SIPA1L3: variants seen among roughly 807,000 people sequenced by gnomAD.
SIPA1L3 encodes signal induced proliferation associated 1 like 3, also known as signal-induced proliferation-associated 1-like protein 3.
Under a neutral mutation model 150.1 loss-of-function variants are expected in SIPA1L3, and 59 were observed. The ratio of observed to expected loss-of-function variants is 0.39; its 90% CI spans 0.32 to 0.49. SIPA1L3 has a LOEUF of 0.49. Among genes scored for constraint, SIPA1L3 ranks in the 20% least tolerant of loss-of-function variants. The pLI is 0.86. For missense variants in SIPA1L3, 2,211 were observed against 2,489.5 expected, an observed-to-expected ratio of 0.89 and a Z score of 2.38; for synonymous variants, 1,070 against 1,077.6, an observed-to-expected ratio of 0.99 and a Z score of 0.14.
intron 1 of SIPA1L3, among the ~76,000 whole-genome samples, chr19:37,928,673 T>C (rs1212016777): frequency 6.6e-6 from 1 of 152,208 alleles, no homozygotes; most frequent in Admixed American, 6.5e-5. Flanking sequence ...AAGTTCCTGA[T>C]TCTGTAAGTC....
At chr19:38,179,588 A>C (rs997032728) in intron 15 of SIPA1L3, among the ~76,000 whole-genome samples, 1 of 152,212 alleles carries the variant, frequency 6.6e-6, no homozygotes, top group Non-Finnish European at 1.5e-5. Context: ...ACTTTTCTCC[A>C]ATATTGTCCT....
At chr19:38,088,631 G>T in intron 3 of SIPA1L3, 90 bp from the exon 4 acceptor site, 1 of 1,493,866 alleles carries the variant, frequency 6.7e-7, no homozygotes. Context: ...ACAGGACCCT[G>T]CCTGGTCGCC....
intron 1 of SIPA1L3, among the ~76,000 whole-genome samples, chr19:38,013,152 A>G (rs546088056): frequency 3.9e-5 from 6 of 152,304 alleles, no homozygotes; most frequent in African/African-American, 1.2e-4. Context: ...TGGCGCTGCT[A>G]GCAGGTGCTG....
intron 10 of SIPA1L3, among the ~76,000 whole-genome samples, chr19:38,139,658 G>C (rs1354300671): frequency 6.6e-6 from 1 of 152,202 alleles, no homozygotes; most frequent in East Asian, 1.9e-4. Context: ...CGGGCCCTGG[G>C]TGCCAGAGCG....
intron 1 of SIPA1L3, among the ~76,000 whole-genome samples, chr19:37,948,497 G>A (rs60756457): frequency 2.4e-4 from 36 of 152,118 alleles, no homozygotes; most frequent in African/African-American, 8.7e-4. Context: ...AAGAAGAGTG[G>A]TTGGCACATA....
chr19:37,978,478 C>T (rs1283531177), intron 1 of SIPA1L3, among the ~76,000 whole-genome samples: 1 of 152,164 alleles, frequency 6.6e-6, no homozygotes, highest in East Asian at 1.9e-4. Context: ...AGTATATGAT[C>T]CCCATTGTGC....
chr19:37,950,567 C>T (rs1046343643), intron 1 of SIPA1L3, among the ~76,000 whole-genome samples: 2 of 152,248 alleles, frequency 1.3e-5, no homozygotes, highest in Non-Finnish European at 2.9e-5. Flanking sequence ...AAGTTCCCTG[C>T]TCAGTGCAGC....
At chr19:38,085,055 G>A (rs1030733331) in intron 3 of SIPA1L3, among the ~76,000 whole-genome samples, 21 of 152,292 alleles carry the variant, frequency 1.4e-4, no homozygotes, top group Admixed American at 1.4e-3. Context: ...ACAGCCCTCG[G>A]TTTGGGGTAT....
intron 1 of SIPA1L3, among the ~76,000 whole-genome samples, chr19:37,980,247 T>C (rs562186452): frequency 6.6e-6 from 1 of 152,342 alleles, no homozygotes; most frequent in Non-Finnish European, 1.5e-5. Context: ...CTTCTCCCCT[T>C]ACGTAATGAT....
chr19:38,151,791 ATCTC>A (rs1159257856), intron 12 of SIPA1L3, among the ~76,000 whole-genome samples: 1 of 151,900 alleles, frequency 6.6e-6, no homozygotes, highest in Non-Finnish European at 1.5e-5. Flanking sequence ...GGTGAAACCC[ATCTC>A]TACAAAAAAA....
At chr19:38,086,654 GC>G (rs1970139147) in intron 3 of SIPA1L3, among the ~76,000 whole-genome samples, 1 of 152,192 alleles carries the variant, frequency 6.6e-6, no homozygotes, top group African/African-American at 2.4e-5. Flanking sequence ...CTGCACTCCA[GC>G]CTGAGTGACA....
At chr19:38,099,392 C>T (rs1245508976) in intron 4 of SIPA1L3, among the ~76,000 whole-genome samples, 1 of 150,738 alleles carries the variant, frequency 6.6e-6, no homozygotes, top group African/African-American at 2.5e-5. Flanking sequence ...AGTTCAAGAT[C>T]CAAGATGATG....
intron 1 of SIPA1L3, among the ~76,000 whole-genome samples, chr19:37,915,114 G>A (rs1568462216): frequency 1.3e-5 from 2 of 152,156 alleles, no homozygotes; most frequent in African/African-American, 2.4e-5. Flanking sequence ...CCTAATTGAT[G>A]TGGCAGCAGG....
chr19:37,953,128 G>A (rs891158800), intron 1 of SIPA1L3, among the ~76,000 whole-genome samples: 3 of 152,232 alleles, frequency 2.0e-5, no homozygotes, highest in African/African-American at 7.2e-5. Flanking sequence ...GGAGGCTGAG[G>A]CAGGAGAATG....
intron 3 of SIPA1L3, among the ~76,000 whole-genome samples, chr19:38,086,398 C>T (rs1022944559): frequency 6.6e-6 from 1 of 151,946 alleles, no homozygotes; most frequent in African/African-American, 2.4e-5. Context: ...AAGAAAAAAA[C>T]GTTCTGGCCA....
intron 2 of SIPA1L3, among the ~76,000 whole-genome samples, chr19:38,051,877 G>T (rs1169720264): frequency 6.6e-6 from 1 of 152,162 alleles, no homozygotes; most frequent in East Asian, 1.9e-4. Context: ...GATCGCAGGC[G>T]TGAGCCACCA....
At position 38,182,620 on chromosome 19, in the gene SIPA1L3, T is replaced by C; in HGVS notation, c.4310T>C (p.Leu1437Pro). The change falls in exon 16 of 22, where the codon CTC becomes CCC. Residue 1437 changes from leucine to proline, a missense_variant. Physicochemically the swap from Leu to Pro is moderately conservative, Grantham distance 98. This residue lies in a region of SIPA1L3 where 806 missense variants were observed against 870.1 expected (regional missense o/e 0.93). Coordinates refer to ENST00000222345, the MANE Select transcript of SIPA1L3 (RefSeq NM_015073.3). Reference protein sequence around the residue: ...SQLAQPSPFQLSASVPKSFFS... With the variant: ...SQLAQPSPFQPSASVPKSFFS... ...CTGGCCCAGCCCAGCCCCTTTCAGC[T>C]CTCCGCCTCCGTCCCCAAGTCCTTC... 1 of 1,614,022 alleles carries C rather than the reference T, an allele frequency of 6.2e-7. No homozygotes were observed. Among genetic ancestry groups the C allele is most frequent in the Non-Finnish European group, 8.5e-7 (1 of 1,179,964 alleles).
At chr19:38,194,394 C>A (rs769023422) in intron 18 of SIPA1L3, among the ~76,000 whole-genome samples, 1 of 149,818 alleles carries the variant, frequency 6.7e-6, no homozygotes, top group Non-Finnish European at 1.5e-5. Context: ...AAAGACAGTA[C>A]GTAAGTTTGC....
intron 13 of SIPA1L3, among the ~76,000 whole-genome samples, chr19:38,154,092 C>A (rs1971889862): frequency 1.3e-5 from 2 of 152,178 alleles, no homozygotes; most frequent in South Asian, 4.2e-4. Context: ...TACTTCTCAG[C>A]CTGAGCTTTG....
Sources: allele counts gnomAD v4.1 joint callset (sites outside exome capture counted in the v4.1 genomes callset), GRCh38; gene constraint gnomAD v4.1.1; regional missense constraint gnomAD v4.1.1; transcripts MANE v1.5; gene names NCBI Gene and HGNC (gene_info 2026-07-23, HGNC 2026-07-21).